KCND2: variants seen among roughly 807,000 people sequenced by gnomAD.
KCND2 encodes A-type voltage-gated potassium channel KCND2.
In KCND2, 16 loss-of-function variants were observed where a neutral mutation model predicts 54.4. That is an observed-to-expected ratio of 0.29 (90% confidence interval 0.20 to 0.45). The LOEUF is 0.45. Among genes scored for constraint, KCND2 ranks in the 20% least tolerant of loss-of-function variants. The probability of loss-of-function intolerance (pLI) is 1.00; values close to 1 mark genes in which losing one functional copy is unlikely to be tolerated. For missense variants in KCND2, 486 were observed against 824.2 expected (o/e 0.59, Z 5.02); for synonymous variants, 317 against 310.7 (o/e 1.02, Z -0.21).
chr7:120,371,459 A>G (rs906627128), intron 1 of KCND2, among the ~76,000 whole-genome samples: 1 of 152,076 alleles, frequency 6.6e-6, no homozygotes, highest in Non-Finnish European at 1.5e-5. Context: ...GCCTAGGCAG[A>G]GAACCCTTGT....
chr7:120,308,620 G>A (rs555253227), intron 1 of KCND2, among the ~76,000 whole-genome samples: 1 of 152,240 alleles, frequency 6.6e-6, no homozygotes, highest in South Asian at 2.1e-4. Context: ...GTTTTCAGTT[G>A]TTACTGATTA....
At chr7:120,728,527 T>C (rs1792765248) in intron 1 of KCND2, among the ~76,000 whole-genome samples, 1 of 152,128 alleles carries the variant, frequency 6.6e-6, no homozygotes, top group Admixed American at 6.6e-5. Context: ...CTGACTCAGA[T>C]GATCCACCAG....
intron 1 of KCND2, among the ~76,000 whole-genome samples, chr7:120,600,500 C>T (rs1388981523): frequency 1.3e-5 from 2 of 152,004 alleles, no homozygotes; most frequent in African/African-American, 4.8e-5. Flanking sequence ...CAGAATGCCA[C>T]ATTTCCAAAT....
At chr7:120,456,242 CTATT>C (rs1478665171) in intron 1 of KCND2, among the ~76,000 whole-genome samples, 3 of 152,136 alleles carry the variant, frequency 2.0e-5, no homozygotes, top group South Asian at 2.1e-4. Flanking sequence ...TAATGAAAGA[CTATT>C]TATCTAGAAG....
intron 1 of KCND2, among the ~76,000 whole-genome samples, chr7:120,506,128 T>C (rs1409451494): frequency 6.6e-6 from 1 of 151,294 alleles, no homozygotes; most frequent in Admixed American, 6.6e-5. Flanking sequence ...ATTTTTGAAA[T>C]TTTTTTTTCT....
In KCND2 at chr7:120,747,753, A is replaced by G. The variant is rs1339923869; in HGVS notation, c.1788A>G (p.Ala596=). ...LNCEQPYVTT[A]IISIPTPPVT... is the part of the protein sequence containing the mutation. ...GTGAACAACCTTATGTGACTACAGCAATAATAAGCATCCCAACACCTCCAG... is the reference window on the plus strand; with the variant it reads ...GTGAACAACCTTATGTGACTACAGCGATAATAAGCATCCCAACACCTCCAG... The change falls in exon 6 of 6, where the codon GCA becomes GCG. Residue 596 remains alanine, a synonymous_variant. Coordinates refer to ENST00000331113, the MANE Select transcript of KCND2 (RefSeq NM_012281.3). 1.3e-5 allele frequency: 21 copies of G among 1,612,490 alleles called. No homozygotes were observed. The highest frequency in any genetic ancestry group is 1.6e-5 in the Non-Finnish European group (19 of 1,178,930).
At chr7:120,324,839 A>G (rs1799949682) in intron 1 of KCND2, among the ~76,000 whole-genome samples, 1 of 149,824 alleles carries the variant, frequency 6.7e-6, no homozygotes, top group African/African-American at 2.5e-5. Context: ...CTGTGAAGAA[A>G]GGCATTGGTA....
chr7:120,686,804 G>C lies in KCND2; in HGVS notation c.1116-46099G>C, dbSNP rs1011465105. Among the ~76,000 whole-genome samples, 11 of 152,244 alleles carry C rather than the reference G, an allele frequency of 7.2e-5. No homozygotes were observed. The East Asian group carries it at 1.2e-3, about 16-fold the overall frequency. ...GTTCCTAGAAAAAGGTCATATACCA[G>C]TTAAACTCTGCCATTTTGCCTCTTA... On this transcript the variant is annotated intron_variant, in intron 1 of 5. Transcript: ENST00000331113.
At chr7:120,594,375 C>T (rs966577893) in intron 1 of KCND2, among the ~76,000 whole-genome samples, 1 of 148,416 alleles carries the variant, frequency 6.7e-6, no homozygotes, top group African/African-American at 2.6e-5. Context: ...GCATTTATTT[C>T]TCACAGTTCT....
At chr7:120,558,407 G>C (rs558713494) in intron 1 of KCND2, among the ~76,000 whole-genome samples, 80 of 152,222 alleles carry the variant, frequency 5.3e-4, no homozygotes, top group Non-Finnish European at 4.0e-4. Flanking sequence ...AGAAGCTCCA[G>C]AAACCTATTC....
At chr7:120,337,893 A>T (rs1489760809) in intron 1 of KCND2, among the ~76,000 whole-genome samples, 1 of 152,192 alleles carries the variant, frequency 6.6e-6, no homozygotes, top group Non-Finnish European at 1.5e-5. Context: ...AAAAGTTTTT[A>T]TTGAGCTGCC....
intron 1 of KCND2, among the ~76,000 whole-genome samples, chr7:120,611,838 A>C (rs1321640226): frequency 6.6e-6 from 1 of 152,098 alleles, no homozygotes; most frequent in Non-Finnish European, 1.5e-5. Flanking sequence ...CTCTACGAAA[A>C]CCACTAACAG....
chr7:120,740,197 A>G (rs1352164963), intron 2 of KCND2, among the ~76,000 whole-genome samples: 2 of 152,138 alleles, frequency 1.3e-5, no homozygotes, highest in East Asian at 1.9e-4. Flanking sequence ...TTCTCTAGAA[A>G]TATTACCAGT....
At chr7:120,283,645 TG>T (rs1799298253) in intron 1 of KCND2, among the ~76,000 whole-genome samples, 1 of 152,124 alleles carries the variant, frequency 6.6e-6, no homozygotes, top group Non-Finnish European at 1.5e-5. Flanking sequence ...TAGTGCTCAG[TG>T]GATATGGAAT....
intron 1 of KCND2, among the ~76,000 whole-genome samples, chr7:120,339,180 A>G (rs1240017666): frequency 6.6e-6 from 1 of 151,696 alleles, no homozygotes; most frequent in African/African-American, 2.4e-5. Flanking sequence ...TGTGAGCCAC[A>G]GCGCCCGGCC....
chr7:120,667,632 T>G (rs67794084), intron 1 of KCND2, among the ~76,000 whole-genome samples: 50,456 of 151,722 alleles, frequency 0.33, 9,809 homozygotes, highest in African/African-American at 0.5. Flanking sequence ...AGAAATACTG[T>G]CAAGCAAGAG....
intron 1 of KCND2, among the ~76,000 whole-genome samples, chr7:120,701,436 T>G (rs1388191137): frequency 6.6e-6 from 1 of 151,982 alleles, no homozygotes; most frequent in African/African-American, 2.4e-5. Context: ...GAATGGAAAT[T>G]AGGATAGCCA....
intron 1 of KCND2, among the ~76,000 whole-genome samples, chr7:120,703,302 G>A (rs1792426406): frequency 6.6e-6 from 1 of 152,140 alleles, no homozygotes; most frequent in African/African-American, 2.4e-5. Flanking sequence ...AATTATCCAA[G>A]GTCAGTGCTC....
At chr7:120,708,631 G>A (rs1356259506) in intron 1 of KCND2, among the ~76,000 whole-genome samples, 1 of 151,942 alleles carries the variant, frequency 6.6e-6, no homozygotes, top group Non-Finnish European at 1.5e-5. Context: ...AATTTTCATA[G>A]ATGTCTTGTG....
Sources: gnomAD v4.1 joint callset for allele counts (sites outside exome capture counted in the v4.1 genomes callset) on GRCh38, gnomAD v4.1.1 for gene constraint, MANE v1.5 for transcripts, NCBI Gene and HGNC (gene_info 2026-07-23, HGNC 2026-07-21) for gene names.